The following ATP6V1H variants were observed in gnomAD, a reference collection of about 807,000 sequenced individuals.
ATP6V1H encodes the protein ATPase H+ transporting V1 subunit H.
In ATP6V1H, 39 loss-of-function variants were observed where a neutral mutation model predicts 71.7. The observed-to-expected ratio is 0.54, with a 90% confidence interval of 0.42 to 0.71. The LOEUF is 0.71. ATP6V1H is among the 30% of genes least tolerant of loss of function. The probability of loss-of-function intolerance (pLI) is 0.00; values close to 1 mark genes in which losing one functional copy is unlikely to be tolerated. For missense variants in ATP6V1H, 509 were observed against 594.9 expected (o/e 0.86, Z 1.50); for synonymous variants, 192 against 199.3 (o/e 0.96, Z 0.31).
intron 12 of ATP6V1H, among the ~76,000 whole-genome samples, chr8:53,748,891 C>T (rs1488140146): frequency 6.6e-6 from 1 of 152,202 alleles, no homozygotes; most frequent in East Asian, 1.9e-4. Context: ...ACTATCAACA[C>T]AATTTAATTT....
chr8:53,801,634 G>A (rs1231668880), intron 8 of ATP6V1H, among the ~76,000 whole-genome samples, 165 bp downstream of exon 8: 2 of 152,080 alleles, frequency 1.3e-5, no homozygotes, highest in Admixed American at 1.3e-4. Flanking sequence ...AAGGAAAGGG[G>A]CTCAGTTTGA....
chr8:53,781,376 T>G (rs1809122711), intron 9 of ATP6V1H, among the ~76,000 whole-genome samples: 1 of 152,206 alleles, frequency 6.6e-6, no homozygotes, highest in Non-Finnish European at 1.5e-5. Flanking sequence ...TTGCCCACTT[T>G]TTGATGGGGT....
chr8:53,748,155 C>T (rs539285076), intron 12 of ATP6V1H, among the ~76,000 whole-genome samples: 1 of 150,572 alleles, frequency 6.6e-6, no homozygotes, highest in South Asian at 2.1e-4. Flanking sequence ...GAGACTCCAT[C>T]TCAAAAACAA....
intron 3 of ATP6V1H, among the ~76,000 whole-genome samples, chr8:53,831,548 A>G (rs997276456): frequency 3.3e-5 from 5 of 152,236 alleles, no homozygotes; most frequent in African/African-American, 1.2e-4. Flanking sequence ...GTGTAACACT[A>G]TTACGTTAAG....
chr8:53,808,047 T>G (rs892806157), intron 7 of ATP6V1H, among the ~76,000 whole-genome samples: 8 of 152,196 alleles, frequency 5.3e-5, no homozygotes, highest in African/African-American at 1.9e-4. Flanking sequence ...AAGTCACTAC[T>G]AGTGACACAG....
rs142590872 is a variant in ATP6V1H at position 53,732,903 on chromosome 8, G to A, written c.1391+10674C>T. On this transcript the variant is annotated intron_variant, in intron 13 of 13. Coordinates refer to ENST00000359530, the MANE Select transcript of ATP6V1H (RefSeq NM_015941.4). ...CCTCAAAGGGGAGGATCAGAGCCGCGAGAGGCCAGGGAAGGAAGTCAAGAT... is the reference window on the plus strand; with the variant it reads ...CCTCAAAGGGGAGGATCAGAGCCGCAAGAGGCCAGGGAAGGAAGTCAAGAT... 8.1e-3 allele frequency among the ~76,000 whole-genome samples: 1,235 copies of A among 152,184 alleles called. 2 individuals carry two copies. Among genetic ancestry groups the A allele is most frequent in the South Asian group, 0.015 (72 of 4,808 alleles).
At chr8:53,773,505 A>G (rs2130328217) in intron 9 of ATP6V1H, among the ~76,000 whole-genome samples, 1 of 152,354 alleles carries the variant, frequency 6.6e-6, no homozygotes, top group East Asian at 1.9e-4. Context: ...GTCAAGGAAC[A>G]ATACAAATAC....
At chr8:53,731,574 C>A (rs1446470400) in intron 13 of ATP6V1H, among the ~76,000 whole-genome samples, 1 of 152,202 alleles carries the variant, frequency 6.6e-6, no homozygotes, top group Non-Finnish European at 1.5e-5. Flanking sequence ...GATCATGACC[C>A]TTTCACATGG....
intron 2 of ATP6V1H, among the ~76,000 whole-genome samples, chr8:53,833,804 A>G (rs1255256657): frequency 1.3e-5 from 2 of 152,078 alleles, no homozygotes; most frequent in East Asian, 1.9e-4. Context: ...TTCTACCTCC[A>G]GAGATAGTCT....
chr8:53,828,801 T>C (rs575936492), intron 4 of ATP6V1H, among the ~76,000 whole-genome samples: 2 of 152,276 alleles, frequency 1.3e-5, no homozygotes, highest in South Asian at 4.2e-4. Context: ...CCAGACTGAC[T>C]CTTTCCTTCA....
chr8:53,820,292 A>G (rs1007590180), intron 4 of ATP6V1H, among the ~76,000 whole-genome samples: 8 of 152,010 alleles, frequency 5.3e-5, no homozygotes, highest in Non-Finnish European at 1.2e-4. Context: ...TAAGGTTTAA[A>G]AAAAAAGAAG....
Position 53,770,418 on chromosome 8 carries a change from AAC to A in ATP6V1H, c.1050-677_1050-676del, listed in dbSNP as rs531716018. On this transcript the variant is annotated intron_variant, in intron 10 of 13. Coordinates refer to ENST00000359530, the MANE Select transcript of ATP6V1H (RefSeq NM_015941.4). ...GTTTAATGTGGTTAGCCAGTAGACA[AAC>A]ACAGTCAGAACATACTTGGACTTTC... Among the ~76,000 whole-genome samples the A allele has an allele frequency of 2.2e-3, 334 of 152,306 alleles. 1 individual carries two copies. The highest frequency in any genetic ancestry group is 7.8e-3 in the African/African-American group (323 of 41,578).
intron 8 of ATP6V1H, among the ~76,000 whole-genome samples, chr8:53,798,458 T>G (rs776925686): frequency 6.6e-6 from 1 of 151,864 alleles, no homozygotes; most frequent in Non-Finnish European, 1.5e-5. Context: ...GAGGCGGAGG[T>G]TGCAGTGAGC....
intron 9 of ATP6V1H, among the ~76,000 whole-genome samples, chr8:53,777,190 C>G (rs546480436): frequency 1.3e-5 from 2 of 152,180 alleles, no homozygotes; most frequent in African/African-American, 2.4e-5. Context: ...CCATCTTTAG[C>G]AAAAGATGCA....
At chr8:53,797,641 T>C (rs943538389) in intron 8 of ATP6V1H, among the ~76,000 whole-genome samples, 29 of 152,104 alleles carry the variant, frequency 1.9e-4, no homozygotes, top group African/African-American at 7.0e-4. Context: ...CACCCCACCT[T>C]ATGGGTGGTA....
chr8:53,794,469 G>A (rs758403641), intron 9 of ATP6V1H, among the ~76,000 whole-genome samples: 2 of 152,054 alleles, frequency 1.3e-5, no homozygotes, highest in Non-Finnish European at 2.9e-5. Flanking sequence ...TGGTTCAAGC[G>A]ATTCTCCTGT....
chr8:53,766,564 T>C (rs1808473607), intron 11 of ATP6V1H, among the ~76,000 whole-genome samples: 1 of 152,242 alleles, frequency 6.6e-6, no homozygotes, highest in Non-Finnish European at 1.5e-5. Context: ...CAGAGCCGTA[T>C]TTCTCCTCTT....
At chr8:53,824,303 T>C (rs1810758869) in intron 4 of ATP6V1H, among the ~76,000 whole-genome samples, 1 of 152,188 alleles carries the variant, frequency 6.6e-6, no homozygotes, top group Non-Finnish European at 1.5e-5. Flanking sequence ...ACTTAGCCCT[T>C]GTAGTCCTAA....
At chr8:53,770,979 C>T (rs1808632232) in intron 10 of ATP6V1H, among the ~76,000 whole-genome samples, 1 of 152,184 alleles carries the variant, frequency 6.6e-6, no homozygotes, top group Non-Finnish European at 1.5e-5. Context: ...TTACAAACCA[C>T]TGATACAGAT....
Sources: allele counts gnomAD v4.1 joint callset (sites outside exome capture counted in the v4.1 genomes callset), GRCh38; gene constraint gnomAD v4.1.1; transcripts MANE v1.5; gene names NCBI Gene and HGNC (gene_info 2026-07-23, HGNC 2026-07-21).